The following CEP128 variants were observed in gnomAD, a reference collection of about 807,000 sequenced individuals.
The protein encoded by CEP128 is centrosomal protein 128kDa.
A neutral mutation model predicts 156.7 loss-of-function variants in CEP128; 132 were observed. The observed-to-expected ratio is 0.84, with a 90% CI of 0.73 to 0.97. The LOEUF (loss-of-function observed/expected upper bound fraction) is 0.97, where lower values mean the gene tolerates loss of function less well. CEP128 is among the 50% of genes least tolerant of loss of function. CEP128 has a pLI of 0.00. For synonymous variants in CEP128, 469 were observed against 448.9 expected, an observed-to-expected ratio of 1.04 and a Z score of -0.57; for missense variants, 1,252 against 1,281.9, an observed-to-expected ratio of 0.98 and a Z score of 0.36.
intron 2 of CEP128, among the ~76,000 whole-genome samples, chr14:80,923,396 C>T (rs1884982410): frequency 6.6e-6 from 1 of 152,068 alleles, no homozygotes; most frequent in Non-Finnish European, 1.5e-5. Flanking sequence ...TGTTATTTGA[C>T]CTAAAGAGCC....
intron 19 of CEP128, among the ~76,000 whole-genome samples, chr14:80,584,807 C>G (rs527464045): frequency 9.9e-5 from 15 of 152,246 alleles, no homozygotes; most frequent in Non-Finnish European, 1.8e-4. Flanking sequence ...ATGGAAAGAG[C>G]TGAAGGGCTG....
At chr14:80,695,018 T>C (rs984903371) in intron 19 of CEP128, among the ~76,000 whole-genome samples, 4 of 152,024 alleles carry the variant, frequency 2.6e-5, no homozygotes, top group Admixed American at 6.6e-5. Flanking sequence ...CTTAAATTAT[T>C]AAGGTGATCT....
chr14:80,557,165 T>C (rs1890470830), intron 21 of CEP128, among the ~76,000 whole-genome samples: 1 of 152,210 alleles, frequency 6.6e-6, no homozygotes, highest in Admixed American at 6.5e-5. Context: ...TCTATTCCTC[T>C]GTACTTCGTT....
At chr14:80,774,251 C>T (rs327478) in intron 16 of CEP128, among the ~76,000 whole-genome samples, 1,988 of 152,058 alleles carry the variant, frequency 0.013, 50 homozygotes, top group African/African-American at 0.046. Flanking sequence ...ACAAGAAACA[C>T]AATCTAAAAC....
chr14:80,536,018 T>G (rs1889468086), intron 21 of CEP128, among the ~76,000 whole-genome samples: 1 of 152,226 alleles, frequency 6.6e-6, no homozygotes, highest in South Asian at 2.1e-4. Flanking sequence ...GAGTAAGCTG[T>G]CAGTTTTGCC....
At chr14:80,596,367 G>A (rs1351816172) in intron 19 of CEP128, among the ~76,000 whole-genome samples, 1 of 151,988 alleles carries the variant, frequency 6.6e-6, no homozygotes, top group Non-Finnish European at 1.5e-5. Context: ...AAAATTGACA[G>A]AAAAACTTGA....
chr14:80,757,177 G>C (rs1224306731), intron 17 of CEP128, among the ~76,000 whole-genome samples: 2 of 152,120 alleles, frequency 1.3e-5, no homozygotes, highest in African/African-American at 2.4e-5. Flanking sequence ...TATTTTGATG[G>C]AAAAATCAAC....
intron 23 of CEP128, among the ~76,000 whole-genome samples, chr14:80,521,382 T>G (rs112049933): frequency 0.021 from 3,230 of 152,256 alleles, 86 homozygotes; most frequent in African/African-American, 0.057. Context: ...TTGGGTTTGA[T>G]AAAGTGCAGC....
chr14:80,916,102 G>A (rs1408502322), intron 3 of CEP128, among the ~76,000 whole-genome samples: 1 of 152,158 alleles, frequency 6.6e-6, no homozygotes, highest in Non-Finnish European at 1.5e-5. Context: ...TTGAAGATGA[G>A]GGAAGGCAGC....
At chr14:80,702,526 C>G (rs1897108686) in intron 19 of CEP128, among the ~76,000 whole-genome samples, 1 of 152,078 alleles carries the variant, frequency 6.6e-6, no homozygotes, top group Admixed American at 6.6e-5. Context: ...ATAAAAATAG[C>G]AATTAACATT....
At chr14:80,505,104 AT>A in intron 23 of CEP128, 84 bp from the exon 24 acceptor site, 1 of 499,620 alleles carries the variant, frequency 2.0e-6, no homozygotes, top group Non-Finnish European at 3.6e-6. Flanking sequence ...CTGAAATTAA[AT>A]CTTAATATAC....
At chr14:80,948,389 T>A (rs1475525333) in intron 2 of CEP128, among the ~76,000 whole-genome samples, 1 of 152,228 alleles carries the variant, frequency 6.6e-6, no homozygotes, top group African/African-American at 2.4e-5. Flanking sequence ...TAGGTAATTA[T>A]CACTGCCAAG....
rs1566851089 is a variant in CEP128 at position 80,678,056 on chromosome 14, A to ATG, written c.2806+65018_2806+65019insCA. Among the ~76,000 whole-genome samples the ATG allele has an allele frequency of 1.0e-3, 57 of 56,836 alleles. No homozygotes were observed. The Admixed American group carries it at 0.011, about 11-fold the overall frequency. The allele number at this position is 56,836 out of a possible 152,430, so 37.3% of individuals were successfully genotyped here. On this transcript the variant is annotated intron_variant, in intron 19 of 24. Coordinates refer to ENST00000555265, the MANE Select transcript of CEP128 (RefSeq NM_152446.5). ...GTTGCTCTATAAAAAAAAAATATAT[A>ATG]TATATATGTATATATATATATGCTC...
At chr14:80,691,337 G>T (rs1896713389) in intron 19 of CEP128, among the ~76,000 whole-genome samples, 1 of 152,150 alleles carries the variant, frequency 6.6e-6, no homozygotes, top group Non-Finnish European at 1.5e-5. Context: ...GTGATGGGGG[G>T]ATGGTATCTG....
intron 8 of CEP128, among the ~76,000 whole-genome samples, chr14:80,876,908 A>G (rs1440916269): frequency 6.6e-6 from 1 of 152,250 alleles, no homozygotes; most frequent in Non-Finnish European, 1.5e-5. Context: ...AAAAATGCAG[A>G]AAGGACTGAA....
intron 4 of CEP128, among the ~76,000 whole-genome samples, chr14:80,912,764 TA>T (rs961301855): frequency 3.6e-5 from 4 of 112,068 alleles, no homozygotes; most frequent in South Asian, 6.2e-4. Flanking sequence ...CCTTTACTTG[TA>T]AAAAAAAATA....
chr14:80,492,460 C>A (rs1220873391), downstream of CEP128, among the ~76,000 whole-genome samples: 1 of 152,116 alleles, frequency 6.6e-6, no homozygotes, highest in Non-Finnish European at 1.5e-5. Flanking sequence ...CTCTAGCCCA[C>A]AGGCTGGCCC....
Position 80,793,102 on chromosome 14 carries a change from T to C in CEP128, c.1218A>G (p.Thr406=), listed in dbSNP as rs772582573. 1 of 1,608,380 alleles carries C rather than the reference T, an allele frequency of 6.2e-7. No homozygotes were observed. The highest frequency in any genetic ancestry group is 8.5e-7 in the Non-Finnish European group (1 of 1,175,282). ...AHLASQVENL[T]RELENGEKQQ... Reference sequence around the variant, plus strand: ...GTTTTTCCCCATTCTCCAGTTCACGTGTTAAATTCTACGAATAAAGCATGC... The same window carrying C: ...GTTTTTCCCCATTCTCCAGTTCACGCGTTAAATTCTACGAATAAAGCATGC... The change falls in exon 14 of 25, where the codon ACA becomes ACG. Residue 406 remains threonine, a synonymous_variant. Coordinates refer to ENST00000555265, the MANE Select transcript of CEP128 (RefSeq NM_152446.5).
Position 80,497,519 on chromosome 14 carries a change from C to A in CEP128, c.3245G>T (p.Gly1082Val). 6.2e-7 allele frequency: 1 copy of A among 1,613,274 alleles called. No individual in the cohort carries two copies. Among genetic ancestry groups the A allele is most frequent in the Non-Finnish European group, 8.5e-7 (1 of 1,179,562 alleles). ...CTCTTTTTTGGGTTGTGAACTTGTT[C>A]CATTCATTGTGGCATCTTCCTTGTT... is the stretch of plus-strand genomic sequence containing the variant. ...ASNKEDATMN[G>V]TSSQPKKEEY... The change falls in exon 25 of 25, where the codon GGA becomes GTA. Residue 1082 changes from glycine (G) to valine (V), a missense_variant. Gly to Val is a moderately radical substitution (Grantham distance 109, BLOSUM62 -3). Transcript: ENST00000555265.
Sources: allele counts gnomAD v4.1 joint callset (sites outside exome capture counted in the v4.1 genomes callset), GRCh38; gene constraint gnomAD v4.1.1; transcripts MANE v1.5; gene names NCBI Gene and HGNC (gene_info 2026-07-23, HGNC 2026-07-21).